The following LRRIQ1 variants were observed in gnomAD, a reference collection of about 807,000 sequenced individuals.
LRRIQ1 encodes leucine rich repeats and IQ motif containing 1.
A neutral mutation model predicts 211.9 loss-of-function variants in LRRIQ1; 210 were observed. The ratio of observed to expected loss-of-function variants is 0.99; its 90% CI spans 0.89 to 1.11. LRRIQ1 has a LOEUF of 1.11. Among genes scored for constraint, LRRIQ1 ranks in the 50% most tolerant of loss-of-function variants. LRRIQ1 has a pLI of 0.00. For synonymous variants in LRRIQ1, 699 were observed against 650.1 expected, an observed-to-expected ratio of 1.08 and a Z score of -1.14; for missense variants, 2,136 against 1,939.5, an observed-to-expected ratio of 1.10 and a Z score of -1.90.
At chr12:85,113,586 T>C (rs545620676) in intron 15 of LRRIQ1, among the ~76,000 whole-genome samples, 1 of 152,282 alleles carries the variant, frequency 6.6e-6, no homozygotes, top group African/African-American at 2.4e-5. Flanking sequence ...TTTAATTACA[T>C]TGTAATGTGT....
chr12:85,216,207 T>C (rs1322140786), intron 24 of LRRIQ1, among the ~76,000 whole-genome samples: 1 of 152,154 alleles, frequency 6.6e-6, no homozygotes, highest in Admixed American at 6.6e-5. Flanking sequence ...GTGTGTGATG[T>C]CCCCATCGCT....
intron 15 of LRRIQ1, among the ~76,000 whole-genome samples, chr12:85,118,719 T>C (rs1359543318): frequency 5.3e-5 from 8 of 152,164 alleles, no homozygotes; most frequent in African/African-American, 1.7e-4. Context: ...TTTGTATAAA[T>C]GAATATTTCA....
At chr12:85,179,958 C>A (rs550594413) in intron 24 of LRRIQ1, among the ~76,000 whole-genome samples, 1 of 152,010 alleles carries the variant, frequency 6.6e-6, no homozygotes, top group South Asian at 2.1e-4. Flanking sequence ...GTATTAGATT[C>A]ATCTATACTA....
chr12:85,050,274 C>T (rs1421895138), intron 6 of LRRIQ1, among the ~76,000 whole-genome samples: 1 of 152,124 alleles, frequency 6.6e-6, no homozygotes. Context: ...TTTCTTACTC[C>T]ATATACCTCC....
At chr12:85,203,569 A>C (rs34798205) in intron 24 of LRRIQ1, among the ~76,000 whole-genome samples, 37,264 of 152,066 alleles carry the variant, frequency 0.25, 5,032 homozygotes, top group Admixed American at 0.32. Flanking sequence ...AATAAGGTCC[A>C]GTCTGAGGTG....
chr12:85,100,745 A>G (rs921172596), intron 13 of LRRIQ1, among the ~76,000 whole-genome samples: 2 of 151,756 alleles, frequency 1.3e-5, no homozygotes, highest in African/African-American at 4.8e-5. Flanking sequence ...GAGAAGGCCC[A>G]AGAGCACCAG....
At chr12:85,048,085 G>C (rs188008694) in intron 6 of LRRIQ1, 1 of 152,290 alleles carries the variant, frequency 6.6e-6, no homozygotes, top group South Asian at 2.1e-4. Flanking sequence ...CAGGTCATGA[G>C]AACCTTAGAA....
intron 10 of LRRIQ1, among the ~76,000 whole-genome samples, chr12:85,069,124 T>A (rs1172843936): frequency 7.9e-6 from 1 of 126,844 alleles, no homozygotes; most frequent in East Asian, 2.7e-4. Flanking sequence ...CGGTATGTGA[T>A]GTTCCCCACC....
intron 24 of LRRIQ1, among the ~76,000 whole-genome samples, chr12:85,220,265 G>A (rs1299270738): frequency 6.6e-6 from 1 of 151,764 alleles, no homozygotes; most frequent in Non-Finnish European, 1.5e-5. Context: ...AGCCATTAAG[G>A]GAAAAGAAAA....
In LRRIQ1 at chr12:85,061,534, T is replaced by C. The variant is rs557258478; in HGVS notation, c.2392-3728T>C. Among the ~76,000 whole-genome samples, 3 of 151,892 alleles carry C rather than the reference T, an allele frequency of 2.0e-5. No homozygotes were observed. In the South Asian group the frequency reaches 6.2e-4, roughly 31 times the overall value. On this transcript the variant is annotated intron_variant, in intron 8 of 26. Coordinates refer to ENST00000393217, the MANE Select transcript of LRRIQ1 (RefSeq NM_001079910.2). ...AGATTAAAGGACAGAAATTGCCACATCATAAATAACTAGAACTTAATTGTG... is the reference window on the plus strand; with the variant it reads ...AGATTAAAGGACAGAAATTGCCACACCATAAATAACTAGAACTTAATTGTG...
chr12:85,043,361 G>A (rs1879126617), intron 3 of LRRIQ1, among the ~76,000 whole-genome samples: 1 of 151,972 alleles, frequency 6.6e-6, no homozygotes, highest in Non-Finnish European at 1.5e-5. Context: ...GCAACCTGTT[G>A]GCTGGAGAGT....
intron 11 of LRRIQ1, among the ~76,000 whole-genome samples, chr12:85,089,567 A>C (rs1350921601): frequency 6.6e-6 from 1 of 152,210 alleles, no homozygotes; most frequent in African/African-American, 2.4e-5. Flanking sequence ...CTTAGCAAAG[A>C]GTGAGGCTGC....
intron 2 of LRRIQ1, among the ~76,000 whole-genome samples, chr12:85,039,225 A>T (rs1194046508): frequency 1.3e-5 from 2 of 151,306 alleles, no homozygotes; most frequent in African/African-American, 4.8e-5. Flanking sequence ...AAGGAAGAAG[A>T]AAATTTTAAA....
At chr12:85,263,427 T>C (rs1896351813) in exon 2 of LRRIQ1, 1 of 152,100 alleles carries the variant, frequency 6.6e-6, no homozygotes, top group Non-Finnish European at 1.5e-5. Flanking sequence ...TTACTGATGC[T>C]GTTTAATGTA....
intron 24 of LRRIQ1, among the ~76,000 whole-genome samples, chr12:85,196,600 G>A (rs1195837566): frequency 2.6e-5 from 4 of 152,242 alleles, no homozygotes; most frequent in South Asian, 4.1e-4. Flanking sequence ...TTAATAAATG[G>A]TGCTGGGAAA....
At chr12:85,052,790 G>A (rs1231651399) in intron 7 of LRRIQ1, among the ~76,000 whole-genome samples, 1 of 151,952 alleles carries the variant, frequency 6.6e-6, no homozygotes, top group Non-Finnish European at 1.5e-5. Flanking sequence ...AAAAGTAGGT[G>A]TCTACTACAC....
chr12:85,184,312 T>C (rs144703458), intron 24 of LRRIQ1, among the ~76,000 whole-genome samples: 1 of 152,188 alleles, frequency 6.6e-6, no homozygotes, highest in East Asian at 1.9e-4. Context: ...GTGCAATTCC[T>C]CATTTCCATT....
chr12:85,221,363 T>G (rs934353361), intron 24 of LRRIQ1, among the ~76,000 whole-genome samples: 9 of 152,184 alleles, frequency 5.9e-5, no homozygotes, highest in African/African-American at 2.2e-4. Context: ...AGCACCATCC[T>G]ACTATGTACC....
At chr12:85,119,582 T>A (rs1009704012) in intron 15 of LRRIQ1, among the ~76,000 whole-genome samples, 2 of 152,184 alleles carry the variant, frequency 1.3e-5, no homozygotes, top group African/African-American at 4.8e-5. Flanking sequence ...TAGGAAATTG[T>A]CAAATTGTCT....
Sources: gnomAD v4.1 joint callset for allele counts (sites outside exome capture counted in the v4.1 genomes callset) on GRCh38, gnomAD v4.1.1 for gene constraint, MANE v1.5 for transcripts, NCBI Gene and HGNC (gene_info 2026-07-23, HGNC 2026-07-21) for gene names.